LRRTM4: variants seen among roughly 807,000 people sequenced by gnomAD.
LRRTM4 encodes leucine-rich repeat transmembrane neuronal protein 4.
A neutral mutation model predicts 47.6 loss-of-function variants in LRRTM4; 25 were observed. The observed-to-expected ratio is 0.53, with a 90% CI of 0.38 to 0.73. LRRTM4 has a LOEUF of 0.73. Among genes scored for constraint, LRRTM4 ranks in the 30% least tolerant of loss-of-function variants. The probability of loss-of-function intolerance (pLI) is 0.00; values close to 1 mark genes in which losing one functional copy is unlikely to be tolerated. For synonymous variants in LRRTM4, 311 were observed against 269.5 expected, an observed-to-expected ratio of 1.15 and a Z score of -1.51; for missense variants, 638 against 713.4, an observed-to-expected ratio of 0.89 and a Z score of 1.20.
chr2:77,135,443 T>C (rs115082358), intron 3 of LRRTM4, among the ~76,000 whole-genome samples: 61 of 152,314 alleles, frequency 4.0e-4, no homozygotes, highest in Non-Finnish European at 6.3e-4. Context: ...CTTCACAGAA[T>C]TACTTAGGGT....
intron 3 of LRRTM4, among the ~76,000 whole-genome samples, chr2:77,207,229 G>GTGTA (rs1553409236): frequency 7.1e-6 from 1 of 141,628 alleles, no homozygotes; most frequent in African/African-American, 2.6e-5. Flanking sequence ...ACACATATGT[G>GTGTA]TATATATATA....
intron 3 of LRRTM4, among the ~76,000 whole-genome samples, chr2:77,511,228 A>G (rs1678972672): frequency 6.6e-6 from 1 of 152,072 alleles, no homozygotes; most frequent in African/African-American, 2.4e-5. Context: ...CTTTTGAGAC[A>G]ATTCATATAA....
chr2:76,991,035 T>G (rs1368197467), intron 3 of LRRTM4, among the ~76,000 whole-genome samples: 1 of 151,772 alleles, frequency 6.6e-6, no homozygotes, highest in Admixed American at 6.6e-5. Flanking sequence ...AACAACTTGC[T>G]CATGAATGAC....
intron 3 of LRRTM4, among the ~76,000 whole-genome samples, chr2:76,753,941 T>C (rs1340236806): frequency 1.3e-5 from 2 of 152,176 alleles, no homozygotes; most frequent in South Asian, 4.1e-4. Flanking sequence ...ATTTTAAAAT[T>C]ACCATGGACT....
At chr2:76,872,888 C>T (rs1672666702) in intron 3 of LRRTM4, among the ~76,000 whole-genome samples, 1 of 151,924 alleles carries the variant, frequency 6.6e-6, no homozygotes, top group African/African-American at 2.4e-5. Flanking sequence ...TGGAACCTTC[C>T]CACTCACCCT....
chr2:77,382,586 T>G (rs959516865), intron 3 of LRRTM4, among the ~76,000 whole-genome samples: 5 of 152,118 alleles, frequency 3.3e-5, no homozygotes, highest in African/African-American at 1.2e-4. Context: ...GCAAAGTTAC[T>G]CTGCTTTTAT....
At chr2:77,444,530 G>A (rs543146490) in intron 3 of LRRTM4, among the ~76,000 whole-genome samples, 15 of 151,998 alleles carry the variant, frequency 9.9e-5, no homozygotes, top group African/African-American at 3.6e-4. Context: ...ATATGGTAGA[G>A]GCATGTGATG....
intron 3 of LRRTM4, among the ~76,000 whole-genome samples, chr2:76,843,909 ATTTTT>A (rs60754198): frequency 1.5e-5 from 2 of 137,476 alleles, no homozygotes; most frequent in South Asian, 2.3e-4. Flanking sequence ...TTCTTTTTTC[ATTTTT>A]TTTTTTTTTT....
chr2:77,432,907 T>C (rs1023188899), intron 3 of LRRTM4, among the ~76,000 whole-genome samples: 1 of 152,200 alleles, frequency 6.6e-6, no homozygotes, highest in Non-Finnish European at 1.5e-5. Flanking sequence ...TTTCTTTGCT[T>C]TGCTCTTTGG....
intron 3 of LRRTM4, among the ~76,000 whole-genome samples, chr2:76,988,521 A>G (rs1315942987): frequency 1.3e-5 from 2 of 151,778 alleles, no homozygotes; most frequent in African/African-American, 2.4e-5. Context: ...ATCAACTTAC[A>G]CTATGCTGCA....
chr2:77,472,085 TC>T (rs1677210810), intron 3 of LRRTM4, among the ~76,000 whole-genome samples: 1 of 152,150 alleles, frequency 6.6e-6, no homozygotes, highest in Non-Finnish European at 1.5e-5. Context: ...TAAACCAGTG[TC>T]CTCTTTGCAG....
At chr2:76,752,906 C>G (rs1461141945) in intron 3 of LRRTM4, among the ~76,000 whole-genome samples, 1 of 152,188 alleles carries the variant, frequency 6.6e-6, no homozygotes, top group Non-Finnish European at 1.5e-5. Context: ...TATAGCACAG[C>G]AGAACAACAC....
At chr2:76,867,502 G>A (rs1558702168) in intron 3 of LRRTM4, among the ~76,000 whole-genome samples, 1 of 152,134 alleles carries the variant, frequency 6.6e-6, no homozygotes, top group Non-Finnish European at 1.5e-5. Flanking sequence ...TGCTAAGTGT[G>A]TGTGTTTTAA....
chr2:77,356,206 T>C (rs1671961775), intron 3 of LRRTM4, among the ~76,000 whole-genome samples: 1 of 152,176 alleles, frequency 6.6e-6, no homozygotes, highest in African/African-American at 2.4e-5. Flanking sequence ...AACAGTAACA[T>C]GATCATAATA....
chr2:76,961,239 G>C (rs116184319), intron 3 of LRRTM4, among the ~76,000 whole-genome samples: 3,112 of 151,290 alleles, frequency 0.021, 88 homozygotes, highest in African/African-American at 0.067. Flanking sequence ...AATATAATTG[G>C]AAATCTTCGG....
At chr2:77,493,747 T>C (rs1020473628) in intron 3 of LRRTM4, among the ~76,000 whole-genome samples, 1 of 152,090 alleles carries the variant, frequency 6.6e-6, no homozygotes, top group Non-Finnish European at 1.5e-5. Flanking sequence ...TATCCATTTT[T>C]ATAAGGATGA....
chr2:76,999,161 T>C (rs1474119972), intron 3 of LRRTM4, among the ~76,000 whole-genome samples: 2 of 151,964 alleles, frequency 1.3e-5, no homozygotes, highest in Admixed American at 1.3e-4. Context: ...AAATTGATTA[T>C]AATATAGATA....
intron 3 of LRRTM4, among the ~76,000 whole-genome samples, chr2:76,802,978 G>A (rs1675784604): frequency 6.6e-6 from 1 of 152,032 alleles, no homozygotes; most frequent in African/African-American, 2.4e-5. Context: ...TTAAATGTAG[G>A]ACCTGATACT....
chr2:77,150,351 T>C (rs1422735087), intron 3 of LRRTM4, among the ~76,000 whole-genome samples: 1 of 152,184 alleles, frequency 6.6e-6, no homozygotes, highest in Admixed American at 6.5e-5. Context: ...CTCTCTTTTT[T>C]CTTTTTAACA....
Sources: gnomAD v4.1 joint callset for allele counts (sites outside exome capture counted in the v4.1 genomes callset) on GRCh38, gnomAD v4.1.1 for gene constraint, MANE v1.5 for transcripts, NCBI Gene and HGNC (gene_info 2026-07-23, HGNC 2026-07-21) for gene names.